Variants in TBC1D32 observed in about 807,000 individuals in gnomAD.
The protein encoded by TBC1D32 is TBC1 domain family member 32.
TBC1D32 carries 151 observed loss-of-function variants against 170.3 expected under a neutral mutation model. The observed-to-expected ratio is 0.89, with a 90% CI of 0.78 to 1.01. TBC1D32 has a LOEUF of 1.01. Ranked by LOEUF, TBC1D32 falls within the 50% of genes least tolerant of loss-of-function variation. TBC1D32 has a pLI of 0.00. For missense variants in TBC1D32, 1,464 were observed against 1,457.1 expected (o/e 1.00, Z -0.08); for synonymous variants, 498 against 488.0 (o/e 1.02, Z -0.27).
chr6:121,242,943 T>C (rs540356315), intron 17 of TBC1D32, among the ~76,000 whole-genome samples: 6 of 152,068 alleles, frequency 3.9e-5, no homozygotes, highest in Admixed American at 2.0e-4. Flanking sequence ...CTAAAACCCA[T>C]GTTGCATTTG....
At chr6:121,140,348 A>G (rs1044559581) in intron 24 of TBC1D32, among the ~76,000 whole-genome samples, 1 of 151,416 alleles carries the variant, frequency 6.6e-6, no homozygotes, top group Non-Finnish European at 1.5e-5. Context: ...AAAAAAAGAT[A>G]CTATAGAGGG....
intron 15 of TBC1D32, among the ~76,000 whole-genome samples, chr6:121,274,224 T>G (rs1030559159): frequency 1.3e-5 from 2 of 151,744 alleles, no homozygotes; most frequent in Non-Finnish European, 2.9e-5. Flanking sequence ...TCCCAGCTAC[T>G]CGGGAGGCTG....
chr6:121,319,376 T>C (rs953546242), intron 2 of TBC1D32, among the ~76,000 whole-genome samples: 1 of 152,122 alleles, frequency 6.6e-6, no homozygotes, highest in African/African-American at 2.4e-5. Flanking sequence ...TCTGCCTCTA[T>C]AGATTCTGGG....
chr6:121,320,908 T>C (rs1330134673), intron 2 of TBC1D32, among the ~76,000 whole-genome samples: 1 of 152,134 alleles, frequency 6.6e-6, no homozygotes, highest in African/African-American at 2.4e-5. Context: ...TAATTCAACA[T>C]CTTTTCATTA....
chr6:121,137,427 A>G (rs1782228725), intron 24 of TBC1D32, among the ~76,000 whole-genome samples: 1 of 150,234 alleles, frequency 6.7e-6, no homozygotes, highest in Non-Finnish European at 1.5e-5. Flanking sequence ...TCTTCTCTAT[A>G]TTCTTTAAGA....
At chr6:121,287,741 C>T (rs1804112643) in intron 12 of TBC1D32, among the ~76,000 whole-genome samples, 1 of 152,180 alleles carries the variant, frequency 6.6e-6, no homozygotes, top group South Asian at 2.1e-4. Flanking sequence ...AAATTGACCA[C>T]ATAGTTGGAA....
intron 31 of TBC1D32, among the ~76,000 whole-genome samples, chr6:121,083,451 C>A (rs888778027): frequency 6.6e-6 from 1 of 152,044 alleles, no homozygotes; most frequent in African/African-American, 2.4e-5. Flanking sequence ...AATGTTGAAT[C>A]ATCCAAAAGT....
intron 24 of TBC1D32, among the ~76,000 whole-genome samples, chr6:121,141,234 G>A (rs1008035822): frequency 2.0e-5 from 3 of 152,120 alleles, no homozygotes; most frequent in Non-Finnish European, 4.4e-5. Context: ...TAGATAAGGT[G>A]GAGATAACTT....
chr6:121,288,658 CCAGCAT>C, intron 12 of TBC1D32, among the ~76,000 whole-genome samples: 1 of 152,166 alleles, frequency 6.6e-6, no homozygotes, highest in South Asian at 2.1e-4. Context: ...TTTTATGAGG[CCAGCAT>C]CATCCTGATA....
intron 24 of TBC1D32, among the ~76,000 whole-genome samples, chr6:121,133,010 A>G (rs1781610146): frequency 6.6e-6 from 1 of 151,932 alleles, no homozygotes; most frequent in Admixed American, 6.6e-5. Flanking sequence ...TTTCTTTACC[A>G]CTTCTCTTGA....
chr6:121,151,221 A>G (rs995790960), intron 24 of TBC1D32, among the ~76,000 whole-genome samples: 1 of 152,158 alleles, frequency 6.6e-6, no homozygotes, highest in Non-Finnish European at 1.5e-5. Flanking sequence ...CATTGGTTTC[A>G]AAGAATTTAC....
At chr6:121,217,579 T>G (rs568169824) in intron 21 of TBC1D32, among the ~76,000 whole-genome samples, 1 of 152,204 alleles carries the variant, frequency 6.6e-6, no homozygotes, top group East Asian at 1.9e-4. Context: ...CAGGTATAAG[T>G]GGGAGCTAAA....
chr6:121,292,070 T>C lies in TBC1D32; in HGVS notation c.1355A>G (p.Lys452Arg), dbSNP rs1362360195. ...GTACTTACCTTTTTTATTCTTCAGC[T>C]TAATAGGAAATAGTTTTCTGCCTTG... ...YKQGRKLFPI[K>R]LKNKKGLVSL... Residue 452 changes from lysine (K) to arginine (R), a missense_variant, in exon 12 of 32, where the codon AAG (lysine) becomes AGG (arginine). Coordinates refer to ENST00000398212, the MANE Select transcript of TBC1D32 (RefSeq NM_152730.6). The C allele has an allele frequency of 6.3e-7, 1 of 1,590,150 alleles. No homozygotes were observed. Among genetic ancestry groups the C allele is most frequent in the South Asian group, 1.2e-5 (1 of 85,154 alleles).
At chr6:121,303,379 C>T (rs983547476) in intron 9 of TBC1D32, among the ~76,000 whole-genome samples, 2 of 152,070 alleles carry the variant, frequency 1.3e-5, no homozygotes, top group African/African-American at 4.8e-5. Flanking sequence ...CCTATTCTGG[C>T]TCTGACACTT....
rs149209837 is a variant in TBC1D32 at position 121,171,588 on chromosome 6, A to G, written c.2571-10532T>C. ...ATATTTGCCTTATCTAAATATCAGC[A>G]TATCAGATATTTGCAGGTCTAACAT... On this transcript the variant is annotated intron_variant, in intron 22 of 31. Coordinates refer to ENST00000398212, the MANE Select transcript of TBC1D32 (RefSeq NM_152730.6). Among the ~76,000 whole-genome samples, 313 of 152,252 alleles carry G rather than the reference A, an allele frequency of 2.1e-3. 1 individual carries two copies. Among genetic ancestry groups the G allele is most frequent in the African/African-American group, 7.2e-3 (300 of 41,558 alleles).
chr6:121,285,983 T>C (rs149396108), intron 12 of TBC1D32, among the ~76,000 whole-genome samples: 1,885 of 152,040 alleles, frequency 0.012, 39 homozygotes, highest in African/African-American at 0.043. Flanking sequence ...CAAAACCCCA[T>C]CTATACGTCA....
intron 14 of TBC1D32, among the ~76,000 whole-genome samples, chr6:121,280,403 T>C (rs879179335): frequency 1.3e-5 from 2 of 151,772 alleles, no homozygotes; most frequent in Admixed American, 1.3e-4. Flanking sequence ...GGTTCAATGG[T>C]TGATGCTGGA....
intron 30 of TBC1D32, among the ~76,000 whole-genome samples, chr6:121,097,388 G>C (rs543946451): frequency 1.7e-4 from 26 of 152,224 alleles, no homozygotes; most frequent in African/African-American, 6.0e-4. Context: ...CAAAGGATAT[G>C]AACAGACACT....
chr6:121,098,635 T>C (rs1044573180), intron 30 of TBC1D32, among the ~76,000 whole-genome samples: 5 of 152,046 alleles, frequency 3.3e-5, no homozygotes, highest in African/African-American at 7.2e-5. Flanking sequence ...GTGAGGCACA[T>C]ATATATCCAT....
Sources: gnomAD v4.1 joint callset for allele counts (sites outside exome capture counted in the v4.1 genomes callset) on GRCh38, gnomAD v4.1.1 for gene constraint, MANE v1.5 for transcripts, NCBI Gene and HGNC (gene_info 2026-07-23, HGNC 2026-07-21) for gene names.